Variants in LPP observed in about 807,000 individuals in gnomAD.
The protein encoded by LPP is LIM domain containing preferred translocation partner in lipoma, also known as lipoma-preferred partner.
Under a neutral mutation model 60.4 loss-of-function variants are expected in LPP, and 38 were observed. That is an observed-to-expected ratio of 0.63 (90% confidence interval 0.49 to 0.83). The LOEUF (loss-of-function observed/expected upper bound fraction) is 0.83. LPP is among the 40% of genes least tolerant of loss of function. The pLI is 0.00. For missense variants in LPP, 902 were observed against 783.6 expected (o/e 1.15, Z -1.80); for synonymous variants, 328 against 290.8 (o/e 1.13, Z -1.30).
chr3:188,192,479 C>CATTTTA (rs1728456266), intron 1 of LPP, among the ~76,000 whole-genome samples: 1 of 152,156 alleles, frequency 6.6e-6, no homozygotes, highest in Admixed American at 6.5e-5. Flanking sequence ...AAGATGAGAC[C>CATTTTA]ATTTTTATTT....
At chr3:188,749,716 T>C (rs1355203864) in intron 8 of LPP, among the ~76,000 whole-genome samples, 1 of 152,234 alleles carries the variant, frequency 6.6e-6, no homozygotes, top group Non-Finnish European at 1.5e-5. Flanking sequence ...CATTTAGCTT[T>C]TAGTTATTAT....
chr3:188,729,108 T>G (rs925631645), intron 8 of LPP, among the ~76,000 whole-genome samples: 1 of 152,134 alleles, frequency 6.6e-6, no homozygotes, highest in Admixed American at 6.5e-5. Flanking sequence ...AGGAATAAAA[T>G]GTTTCCAAGT....
intron 7 of LPP, among the ~76,000 whole-genome samples, chr3:188,623,805 G>A (rs1846268711): frequency 6.6e-6 from 1 of 152,222 alleles, no homozygotes; most frequent in East Asian, 1.9e-4. Flanking sequence ...TTAAGCTGCT[G>A]AGGATGCTCC....
At chr3:188,704,243 C>A (rs936707955) in intron 7 of LPP, among the ~76,000 whole-genome samples, 1 of 152,088 alleles carries the variant, frequency 6.6e-6, no homozygotes, top group Admixed American at 6.5e-5. Context: ...ACTACCTGAA[C>A]TGTAATAATC....
chr3:188,677,480 G>A (rs146228574), intron 7 of LPP, among the ~76,000 whole-genome samples: 2,033 of 152,220 alleles, frequency 0.013, 31 homozygotes, highest in African/African-American at 0.046. Context: ...TTACTCTACT[G>A]TATATGGAAG....
rs1336461067 is a variant in LPP at position 188,589,635 on chromosome 3, T to C, written c.430-19526T>C. The stretch of plus-strand genomic sequence containing the variant: ...ACATCCTGTATCCTATGATAAAAGT[T>C]ATTTTGCATTTTTTTCTTTACCACT... On this transcript the variant is annotated intron_variant, in intron 6 of 11. Transcript: ENST00000617246. Among the ~76,000 whole-genome samples, 3 of 152,214 alleles carry C rather than the reference T, an allele frequency of 2.0e-5. No individual in the cohort carries two copies. In the East Asian group the frequency reaches 5.8e-4, roughly 29 times the overall value.
chr3:188,352,555 G>A lies in LPP; in HGVS notation c.-10+10836G>A, dbSNP rs1327033529. Among the ~76,000 whole-genome samples, 2 of 152,206 alleles carry A rather than the reference G, an allele frequency of 1.3e-5. No individual in the cohort carries two copies. The highest frequency in any genetic ancestry group is 1.3e-4 in the Admixed American group (2 of 15,284). ...GACATTGAATGTTTAGGAGCAAGAAGGGCTTGTGAATATCCCGTACTCTCA... is the reference window on the plus strand; with the variant it reads ...GACATTGAATGTTTAGGAGCAAGAAAGGCTTGTGAATATCCCGTACTCTCA... On this transcript the variant is annotated intron_variant, in intron 3 of 11. Transcript: ENST00000617246. The surrounding 1 kb of genome is among the most constrained non-coding windows in gnomAD (Gnocchi z 4.4).
At chr3:188,833,199 A>G (rs1757535753) in intron 9 of LPP, among the ~76,000 whole-genome samples, 1 of 152,246 alleles carries the variant, frequency 6.6e-6, no homozygotes, top group Non-Finnish European at 1.5e-5. Context: ...TGAGGGAGAC[A>G]GGCTCTCCAG....
intron 9 of LPP, among the ~76,000 whole-genome samples, chr3:188,858,303 G>A (rs899821011): frequency 6.6e-6 from 1 of 152,134 alleles, no homozygotes; most frequent in African/African-American, 2.4e-5. Context: ...CATGGCATGA[G>A]GGTCTGACCC....
At chr3:188,873,117 T>C (rs2152053671) in intron 11 of LPP, among the ~76,000 whole-genome samples, 1 of 152,338 alleles carries the variant, frequency 6.6e-6, no homozygotes, top group African/African-American at 2.4e-5. Flanking sequence ...TCTGAGGCTT[T>C]GGTTAGAACT....
intron 3 of LPP, among the ~76,000 whole-genome samples, chr3:188,395,287 T>A (rs1780651892): frequency 6.6e-6 from 1 of 152,184 alleles, no homozygotes; most frequent in Non-Finnish European, 1.5e-5. Context: ...GGCATGATCG[T>A]GGCTCACTGT....
chr3:188,407,790 T>TG (rs57499675), intron 4 of LPP, among the ~76,000 whole-genome samples: 35,770 of 74,822 alleles, frequency 0.48, 6,910 homozygotes, highest in Middle Eastern at 0.67. Flanking sequence ...GTTTGTTTGT[T>TG]TTTTTTTTTT....
In LPP at chr3:188,882,859, C is replaced by T. The variant is rs1156533843; in HGVS notation, c.*8380C>T. 1.7e-5 allele frequency: 3 copies of T among 181,412 alleles called. No individual in the cohort carries two copies. The highest frequency in any genetic ancestry group is 9.1e-5 in the East Asian group (1 of 10,988). 11.2% of individuals were successfully genotyped at this position (181,412 alleles called of 1,614,324 possible). A position where few individuals can be genotyped will look rare whatever the true frequency, so the allele number is the denominator to read the frequency against. ...GTTCACGCCATTCTCCTGCCTCAGC[C>T]TCCCGAGTAGCTGGGACTACAGACG... On this transcript the variant is annotated 3_prime_UTR_variant, in exon 12 of 12. Coordinates refer to ENST00000617246, the MANE Select transcript of LPP (RefSeq NM_001375462.1).
intron 5 of LPP, among the ~76,000 whole-genome samples, chr3:188,520,199 A>G (rs1408463877): frequency 6.6e-6 from 1 of 152,244 alleles, no homozygotes; most frequent in Non-Finnish European, 1.5e-5. Flanking sequence ...ATATAAAAAT[A>G]ACATGTTCGA....
intron 5 of LPP, among the ~76,000 whole-genome samples, chr3:188,484,982 A>G (rs535911129): frequency 2.6e-5 from 4 of 151,612 alleles, no homozygotes; most frequent in African/African-American, 4.8e-5. Context: ...TTTTTTTTTT[A>G]GGAATACTAT....
chr3:188,344,739 A>G (rs1763883854), intron 3 of LPP, among the ~76,000 whole-genome samples: 1 of 152,132 alleles, frequency 6.6e-6, no homozygotes, highest in South Asian at 2.1e-4. Context: ...GACTTTTATT[A>G]TATATACTGT....
chr3:188,614,032 A>T (rs1334570310), intron 7 of LPP, among the ~76,000 whole-genome samples: 1 of 151,534 alleles, frequency 6.6e-6, no homozygotes, highest in Non-Finnish European at 1.5e-5. Flanking sequence ...GGTTCAAGTG[A>T]TTCTCCTGCC....
At chr3:188,400,637 TC>T (rs900907689) in intron 3 of LPP, among the ~76,000 whole-genome samples, 1 of 152,140 alleles carries the variant, frequency 6.6e-6, no homozygotes, top group African/African-American at 2.4e-5. Flanking sequence ...AAGCAGCAGC[TC>T]CCCAGCTCCC....
chr3:188,550,789 C>T (rs1337353197), intron 6 of LPP, among the ~76,000 whole-genome samples: 1 of 152,044 alleles, frequency 6.6e-6, no homozygotes, highest in African/African-American at 2.4e-5. Context: ...AAAAAGGTTG[C>T]AGCCCTTATT....
Sources: allele counts gnomAD v4.1 joint callset (sites outside exome capture counted in the v4.1 genomes callset), GRCh38; gene constraint gnomAD v4.1.1; non-coding constraint Gnocchi (gnomAD v3.1); transcripts MANE v1.5; gene names NCBI Gene and HGNC (gene_info 2026-07-23, HGNC 2026-07-21).